The following DLG2 variants were observed in gnomAD, a reference collection of about 807,000 sequenced individuals.
The protein encoded by DLG2 is disks large homolog 2.
DLG2 carries 45 observed loss-of-function variants against 132.5 expected under a neutral mutation model. The ratio of observed to expected loss-of-function variants is 0.34; its 90% confidence interval spans 0.27 to 0.44. The LOEUF is 0.44. Among genes scored for constraint, DLG2 ranks in the 20% least tolerant of loss-of-function variants. DLG2 has a pLI of 1.00. For synonymous variants in DLG2, 424 were observed against 419.6 expected (o/e 1.01, Z -0.13); for missense variants, 1,045 against 1,196.9 (o/e 0.87, Z 1.87).
intron 8 of DLG2, among the ~76,000 whole-genome samples, chr11:84,201,758 C>T (rs1200738371): frequency 5.3e-5 from 8 of 149,972 alleles, no homozygotes; most frequent in Non-Finnish European, 7.4e-5. Context: ...TAATGCTATT[C>T]CCATTAAGCT....
chr11:84,783,470 T>G (rs1470979378), intron 6 of DLG2, among the ~76,000 whole-genome samples: 1 of 152,196 alleles, frequency 6.6e-6, no homozygotes, highest in Admixed American at 6.5e-5. Context: ...TTTTCTGTTC[T>G]CCAAGGTTCA....
chr11:84,314,001 A>G (rs779463984), intron 7 of DLG2, among the ~76,000 whole-genome samples: 2 of 152,228 alleles, frequency 1.3e-5, no homozygotes, highest in Non-Finnish European at 2.9e-5. Flanking sequence ...CTGCTGAGGA[A>G]CAACATAATG....
chr11:85,189,606 T>C (rs564819709), intron 4 of DLG2, among the ~76,000 whole-genome samples: 3 of 152,270 alleles, frequency 2.0e-5, no homozygotes, highest in Non-Finnish European at 1.5e-5. Flanking sequence ...GAGAAGGTGA[T>C]TATAGAGAGT....
intron 6 of DLG2, among the ~76,000 whole-genome samples, chr11:84,809,668 T>C (rs1021228316): frequency 9.9e-5 from 15 of 151,920 alleles, no homozygotes; most frequent in Admixed American, 8.5e-4. Flanking sequence ...ATAATACCTT[T>C]TACAATTGCT....
intron 2 of DLG2, among the ~76,000 whole-genome samples, chr11:85,610,136 T>TCC (rs1276218980): frequency 6.6e-6 from 1 of 151,856 alleles, no homozygotes; most frequent in Non-Finnish European, 1.5e-5. Flanking sequence ...GGCTAAAAGA[T>TCC]CCCACCACTT....
chr11:83,984,386 A>G (rs2093076222), intron 11 of DLG2, among the ~76,000 whole-genome samples: 1 of 152,094 alleles, frequency 6.6e-6, no homozygotes, highest in African/African-American at 2.4e-5. Context: ...AATTTTTCCA[A>G]TTTCCTTTAC....
chr11:84,451,380 T>C (rs965858841), intron 7 of DLG2, among the ~76,000 whole-genome samples: 5 of 151,902 alleles, frequency 3.3e-5, no homozygotes, highest in African/African-American at 1.2e-4. Flanking sequence ...TTTTTTCTTG[T>C]TTTTGAAATG....
intron 14 of DLG2, among the ~76,000 whole-genome samples, chr11:83,959,221 T>G (rs1202480062): frequency 6.6e-6 from 1 of 152,106 alleles, no homozygotes; most frequent in African/African-American, 2.4e-5. Context: ...AGAAATAGAT[T>G]AAAAAATCTA....
rs141204598 is a variant in DLG2, at chr11:84,785,957, T to A, written c.358-251226A>T. 6.3e-3 allele frequency among the ~76,000 whole-genome samples: 951 copies of A among 152,070 alleles called. 12 individuals are homozygous for A. The highest frequency in any genetic ancestry group is 0.022 in the African/African-American group (923 of 41,516). On this transcript the variant is annotated intron_variant, in intron 6 of 27. Coordinates refer to ENST00000376104, the MANE Select transcript of DLG2 (RefSeq NM_001142699.3). ...CTAGAATAAGTCTTTTTCTTGAAAA[T>A]CATTTTTTTTCCCAAGAAGATCTGT...
intron 7 of DLG2, among the ~76,000 whole-genome samples, chr11:84,294,984 T>C (rs1385558579): frequency 3.9e-5 from 6 of 152,244 alleles, no homozygotes; most frequent in African/African-American, 7.2e-5. Flanking sequence ...ATATTGTTTT[T>C]ACTTCATCAT....
intron 4 of DLG2, among the ~76,000 whole-genome samples, chr11:85,283,320 T>C (rs527955694): frequency 6.6e-6 from 1 of 151,582 alleles, no homozygotes; most frequent in African/African-American, 2.4e-5. Context: ...AATGAAAGCC[T>C]AGAAAAAAAT....
intron 3 of DLG2, among the ~76,000 whole-genome samples, chr11:85,323,269 G>T (rs2081206868): frequency 6.6e-6 from 1 of 152,120 alleles, no homozygotes; most frequent in African/African-American, 2.4e-5. Context: ...CAACTCCAAA[G>T]GATCTCTTTC....
At chr11:84,966,691 A>C (rs552845078) in intron 6 of DLG2, among the ~76,000 whole-genome samples, 1 of 152,282 alleles carries the variant, frequency 6.6e-6, no homozygotes, top group East Asian at 1.9e-4. Flanking sequence ...TTAACCAAAA[A>C]TTGGGATCAT....
At position 84,420,030 on chromosome 11, in the gene DLG2, T is replaced by A. The variant is rs985051301; in HGVS notation, c.519+114540A>T. ...CTGGGGCTACAGGAAAGAGAAACCT[T>A]CGTTACAATGAAAGGTAATTAGAGA... On this transcript the variant is annotated intron_variant, in intron 7 of 27. Coordinates refer to ENST00000376104, the MANE Select transcript of DLG2 (RefSeq NM_001142699.3). 2.0e-5 allele frequency among the ~76,000 whole-genome samples: 3 copies of A among 152,152 alleles called. No homozygotes were observed. In the East Asian group the frequency reaches 5.8e-4, roughly 29 times the overall value.
chr11:84,802,201 A>C (rs2075475382), intron 6 of DLG2, among the ~76,000 whole-genome samples: 1 of 152,086 alleles, frequency 6.6e-6, no homozygotes, highest in Non-Finnish European at 1.5e-5. Flanking sequence ...TGTGCAATTT[A>C]ACTGCATAAT....
rs1265500904 is a variant in DLG2, at chr11:84,285,844, G to A, written c.520-34553C>T. Among the ~76,000 whole-genome samples the A allele has an allele frequency of 2.0e-5, 3 of 152,256 alleles. No homozygotes were observed. In the East Asian group the frequency reaches 5.8e-4, roughly 29 times the overall value. On this transcript the variant is annotated intron_variant, in intron 7 of 27. Transcript: ENST00000376104. ...AAAAACTAGTTCTTTTGCTTACAAT[G>A]TATCATCTATATATAGATAGTGTCC... is the stretch of plus-strand genomic sequence containing the variant.
intron 15 of DLG2, among the ~76,000 whole-genome samples, chr11:83,883,721 T>C (rs2066946814): frequency 6.6e-6 from 1 of 151,890 alleles, no homozygotes; most frequent in South Asian, 2.1e-4. Context: ...TGGCTAGCTA[T>C]ACATCATTCT....
At chr11:84,110,910 CCATT>C (rs546623831) in intron 9 of DLG2, among the ~76,000 whole-genome samples, 34 of 152,310 alleles carry the variant, frequency 2.2e-4, no homozygotes, top group Non-Finnish European at 4.7e-4. Flanking sequence ...AAACTGCTCA[CCATT>C]CAGTGAACTA....
chr11:85,309,126 A>G (rs900627158), intron 3 of DLG2, among the ~76,000 whole-genome samples: 2 of 152,078 alleles, frequency 1.3e-5, no homozygotes, highest in Admixed American at 6.6e-5. Flanking sequence ...GACATGCCCA[A>G]ATTAGCTTCT....
Sources: gnomAD v4.1 joint callset for allele counts (sites outside exome capture counted in the v4.1 genomes callset) on GRCh38, gnomAD v4.1.1 for gene constraint, MANE v1.5 for transcripts, NCBI Gene and HGNC (gene_info 2026-07-23, HGNC 2026-07-21) for gene names.